Variants in CERS6 observed in about 807,000 individuals in gnomAD.
The protein encoded by CERS6 is LAG1 homolog, ceramide synthase 6.
A neutral mutation model predicts 56.8 loss-of-function variants in CERS6; 26 were observed. That is an observed-to-expected ratio of 0.46 (90% confidence interval 0.34 to 0.63). The LOEUF (loss-of-function observed/expected upper bound fraction) is 0.63. Among genes scored for constraint, CERS6 ranks in the 30% least tolerant of loss-of-function variants. The probability of loss-of-function intolerance (pLI) is 0.01; values close to 1 mark genes in which losing one functional copy is unlikely to be tolerated. For synonymous variants in CERS6, 164 were observed against 173.3 expected (o/e 0.95, Z 0.42); for missense variants, 415 against 467.5 (o/e 0.89, Z 1.04).
chr2:168,679,722 T>C (rs545468831), intron 4 of CERS6, among the ~76,000 whole-genome samples: 1 of 152,330 alleles, frequency 6.6e-6, no homozygotes, highest in East Asian at 1.9e-4. Context: ...ATTCTCTTTA[T>C]AGTGTTTATG....
At chr2:168,739,818 T>G (rs927484923) in intron 8 of CERS6, among the ~76,000 whole-genome samples, 1 of 151,844 alleles carries the variant, frequency 6.6e-6, no homozygotes, top group African/African-American at 2.4e-5. Flanking sequence ...CCATCTCAGC[T>G]CACTGCACCT....
chr2:168,534,583 C>T (rs2105364528), intron 1 of CERS6, among the ~76,000 whole-genome samples: 1 of 152,250 alleles, frequency 6.6e-6, no homozygotes, highest in Non-Finnish European at 1.5e-5. Context: ...TGGAGAACAG[C>T]AAGGATGGGT....
chr2:168,608,910 T>G (rs1251891984), intron 3 of CERS6, among the ~76,000 whole-genome samples: 2 of 152,228 alleles, frequency 1.3e-5, no homozygotes, highest in Non-Finnish European at 2.9e-5. Flanking sequence ...TCATGTTGAT[T>G]ATTTTATTCC....
intron 1 of CERS6, among the ~76,000 whole-genome samples, chr2:168,488,599 T>C (rs1694315128): frequency 6.6e-6 from 1 of 152,118 alleles, no homozygotes; most frequent in African/African-American, 2.4e-5. Flanking sequence ...TTATTTGTTT[T>C]CCGTGTATTC....
intron 8 of CERS6, among the ~76,000 whole-genome samples, chr2:168,746,782 T>TATAC (rs1684109690): frequency 1.6e-5 from 1 of 64,290 alleles, no homozygotes; most frequent in African/African-American, 7.3e-5. Flanking sequence ...AGGGTATATA[T>TATAC]ATATATATAT....
intron 8 of CERS6, among the ~76,000 whole-genome samples, chr2:168,761,801 A>G (rs1684587796): frequency 6.6e-6 from 1 of 152,178 alleles, no homozygotes; most frequent in Non-Finnish European, 1.5e-5. Flanking sequence ...TTAAAGAGAT[A>G]ACTGCTTCTT....
At chr2:168,658,479 C>A (rs1171231350) in intron 4 of CERS6, among the ~76,000 whole-genome samples, 1 of 152,188 alleles carries the variant, frequency 6.6e-6, no homozygotes, top group Non-Finnish European at 1.5e-5. Flanking sequence ...TGCCAGGCTC[C>A]TGACCCTCCA....
chr2:168,700,514 AGG>A (rs758086670), intron 6 of CERS6, among the ~76,000 whole-genome samples: 7 of 152,196 alleles, frequency 4.6e-5, no homozygotes, highest in African/African-American at 7.2e-5. Context: ...CATAAAAGAA[AGG>A]GAGAAAGGTT....
At chr2:168,457,619 GCTGAATTT>G (rs1488348067) in intron 1 of CERS6, among the ~76,000 whole-genome samples, 2 of 151,982 alleles carry the variant, frequency 1.3e-5, no homozygotes, top group Non-Finnish European at 2.9e-5. Flanking sequence ...ATCAGTAAAG[GCTGAATTT>G]CTTAGATCAC....
intron 4 of CERS6, among the ~76,000 whole-genome samples, chr2:168,661,061 T>G (rs986855187): frequency 2.7e-4 from 38 of 141,360 alleles, no homozygotes; most frequent in Middle Eastern, 3.7e-3. Flanking sequence ...CGGGAGGGGG[T>G]GGGGCAGTTC....
intron 3 of CERS6, among the ~76,000 whole-genome samples, chr2:168,578,956 T>C (rs1683343580): frequency 6.6e-6 from 1 of 152,142 alleles, no homozygotes; most frequent in South Asian, 2.1e-4. Context: ...ATAAATATAA[T>C]AAAGTTTTAA....
chr2:168,537,162 G>T (rs1177784240), intron 1 of CERS6, among the ~76,000 whole-genome samples: 1 of 152,150 alleles, frequency 6.6e-6, no homozygotes, highest in Non-Finnish European at 1.5e-5. Flanking sequence ...TAAAAACATG[G>T]TAAGCAAAGT....
chr2:168,659,059 A>G (rs1440431789), intron 4 of CERS6, among the ~76,000 whole-genome samples: 1 of 152,254 alleles, frequency 6.6e-6, no homozygotes, highest in Non-Finnish European at 1.5e-5. Context: ...CTGAATGACA[A>G]GAATAGGTAA....
intron 3 of CERS6, among the ~76,000 whole-genome samples, chr2:168,589,031 C>T (rs561978526): frequency 9.8e-5 from 15 of 152,318 alleles, no homozygotes; most frequent in South Asian, 4.1e-4. Context: ...TGGGCCACCA[C>T]GCACAGCCCC....
intron 8 of CERS6, among the ~76,000 whole-genome samples, chr2:168,732,679 C>CCTTT (rs925618447): frequency 1.3e-5 from 2 of 152,182 alleles, no homozygotes; most frequent in Non-Finnish European, 2.9e-5. Flanking sequence ...AGGGGACTGG[C>CCTTT]CTTTGGGCAA....
intron 2 of CERS6, among the ~76,000 whole-genome samples, 165 bp downstream of exon 2, chr2:168,547,866 G>C (rs1160256315): frequency 1.3e-5 from 2 of 152,238 alleles, no homozygotes; most frequent in Non-Finnish European, 2.9e-5. Context: ...GCGGAATGAA[G>C]ATGGGCTTGT....
chr2:168,524,452 G>T (rs921728191), intron 1 of CERS6, among the ~76,000 whole-genome samples: 3 of 152,192 alleles, frequency 2.0e-5, no homozygotes, highest in Non-Finnish European at 4.4e-5. Flanking sequence ...TATCCAGATA[G>T]CTCAGTGCTG....
chr2:168,460,050 T>G (rs1449479771), intron 1 of CERS6, among the ~76,000 whole-genome samples: 1 of 152,216 alleles, frequency 6.6e-6, no homozygotes, highest in Non-Finnish European at 1.5e-5. Flanking sequence ...TCTCTGTTTA[T>G]TTTCTCATTT....
chr2:168,540,867 G>T (rs966975943), intron 1 of CERS6, among the ~76,000 whole-genome samples: 1 of 152,118 alleles, frequency 6.6e-6, no homozygotes, highest in African/African-American at 2.4e-5. Flanking sequence ...TTACTTCTCT[G>T]TAGGGTTCTT....
Sources: allele counts gnomAD v4.1 joint callset (sites outside exome capture counted in the v4.1 genomes callset), GRCh38; gene constraint gnomAD v4.1.1; transcripts MANE v1.5; gene names NCBI Gene and HGNC (gene_info 2026-07-23, HGNC 2026-07-21).